The following KATNIP variants were observed in gnomAD, a reference collection of about 807,000 sequenced individuals.
KATNIP encodes the protein katanin interacting protein.
In KATNIP, 126 loss-of-function variants were observed where a neutral mutation model predicts 174.0. That is an observed-to-expected ratio of 0.72 (90% CI 0.63 to 0.84). The LOEUF is 0.84. KATNIP is among the 40% of genes least tolerant of loss of function. KATNIP has a pLI of 0.00. For missense variants in KATNIP, 1,958 were observed against 2,109.7 expected (o/e 0.93, Z 1.41); for synonymous variants, 810 against 835.7 (o/e 0.97, Z 0.53).
At chr16:27,733,489 C>T (rs1192402375) in intron 14 of KATNIP, among the ~76,000 whole-genome samples, 1 of 150,798 alleles carries the variant, frequency 6.6e-6, no homozygotes, top group Admixed American at 6.6e-5. Context: ...GTGTTTGAGG[C>T]AGCATGAACA....
At chr16:27,719,743 T>C (rs974580884) in intron 13 of KATNIP, among the ~76,000 whole-genome samples, 1 of 149,580 alleles carries the variant, frequency 6.7e-6, no homozygotes, top group Non-Finnish European at 1.5e-5. Context: ...CAGGCTGGAG[T>C]GCAGTGGTAC....
At chr16:27,557,115 T>C (rs1343854387) in intron 1 of KATNIP, among the ~76,000 whole-genome samples, 1 of 152,092 alleles carries the variant, frequency 6.6e-6, no homozygotes, top group Non-Finnish European at 1.5e-5. Flanking sequence ...TTCATTGTAC[T>C]ATTCTTGACA....
Position 27,618,409 on chromosome 16 carries a change from T to A in KATNIP, c.64-16T>A. On this transcript the variant is annotated splice_polypyrimidine_tract_variant and intron_variant, in intron 2 of 27. Transcript: ENST00000261588. Reference sequence around the variant, plus strand: ...CCTGCATTCCGATATCACACTGCTCTGTTTCTTCATTTCAGGGTTACGCTA... The same window carrying A: ...CCTGCATTCCGATATCACACTGCTCAGTTTCTTCATTTCAGGGTTACGCTA... 6.3e-7 allele frequency: 1 copy of A among 1,598,336 alleles called. No homozygotes were observed. The highest frequency in any genetic ancestry group is 8.6e-7 in the Non-Finnish European group (1 of 1,165,718).
intron 6 of KATNIP, among the ~76,000 whole-genome samples, chr16:27,661,061 C>T (rs1398799115): frequency 6.6e-5 from 10 of 152,206 alleles, no homozygotes; most frequent in Admixed American, 5.9e-4. Flanking sequence ...TCAGTCATCA[C>T]ATCACTGAGT....
intron 2 of KATNIP, among the ~76,000 whole-genome samples, chr16:27,598,758 G>A (rs1256381482): frequency 6.6e-6 from 1 of 152,188 alleles, no homozygotes; most frequent in East Asian, 1.9e-4. Context: ...CAGACTCTGA[G>A]CAGGAGATAT....
intron 13 of KATNIP, among the ~76,000 whole-genome samples, chr16:27,717,304 G>A (rs1349955854): frequency 6.6e-6 from 1 of 152,134 alleles, no homozygotes; most frequent in Non-Finnish European, 1.5e-5. Flanking sequence ...ACTTCTGAGG[G>A]CAGCGCAGTA....
rs1218084310 is a variant in KATNIP at position 27,637,516 on chromosome 16, G to A, written c.408+6354G>A. Among the ~76,000 whole-genome samples, 3 of 152,302 alleles carry A rather than the reference G, an allele frequency of 2.0e-5. No homozygotes were observed. The highest frequency in any genetic ancestry group is 4.8e-5 in the African/African-American group (2 of 41,570). Reference sequence around the variant, plus strand: ...GCTGTCGGGGGAGCGCTCCTTCAGCGAAGGTGGGCAGCACAGCCTCCCAAG... The same window carrying A: ...GCTGTCGGGGGAGCGCTCCTTCAGCAAAGGTGGGCAGCACAGCCTCCCAAG... On this transcript the variant is annotated intron_variant, in intron 5 of 27. Transcript: ENST00000261588. This position sits in a 1 kb window ranked among gnomAD's most constrained non-coding sequence, Gnocchi z 4.7.
chr16:27,670,612 C>T (rs183448682), intron 6 of KATNIP, among the ~76,000 whole-genome samples: 46 of 152,202 alleles, frequency 3.0e-4, no homozygotes, highest in African/African-American at 1.1e-3. Context: ...CTTCCAGCAT[C>T]GAGTGCTGCT....
intron 1 of KATNIP, among the ~76,000 whole-genome samples, chr16:27,558,295 G>A (rs958370603): frequency 6.6e-6 from 1 of 152,070 alleles, no homozygotes; most frequent in Non-Finnish European, 1.5e-5. Context: ...ACAGGTGTGT[G>A]CCACCACACC....
At position 27,600,732 on chromosome 16, in the gene KATNIP, C is replaced by CT. The variant is rs747524073; in HGVS notation, c.64-17678dup. 7.4e-3 allele frequency among the ~76,000 whole-genome samples: 1,048 copies of CT among 142,352 alleles called. 8 individuals are homozygous for CT. Among genetic ancestry groups the CT allele is most frequent in the African/African-American group, 0.019 (740 of 39,094 alleles). 93.4% of individuals were successfully genotyped at this position (142,352 alleles called of 152,430 possible). A position where few individuals can be genotyped will look rare whatever the true frequency, so the allele number is the denominator to read the frequency against. On this transcript the variant is annotated intron_variant, in intron 2 of 27. Coordinates refer to ENST00000261588, the MANE Select transcript of KATNIP (RefSeq NM_015202.5). ...TGCCCTTGTGGCACAGCTGCCTCCT[C>CT]TTTTTTTTTTTTTTTAGACGGAGTT...
At chr16:27,750,400 A>T in intron 16 of KATNIP, 94 bp downstream of exon 16, 1 of 1,184,116 alleles carries the variant, frequency 8.4e-7, no homozygotes, top group East Asian at 2.4e-5. Flanking sequence ...AGCCAACAAC[A>T]GATCAGTCCT....
Position 27,721,555 on chromosome 16 carries a change from T to C in KATNIP, c.1606-3T>C, listed in dbSNP as rs747837893. The C allele has an allele frequency of 6.2e-6, 10 of 1,613,960 alleles. No homozygotes were observed. The African/African-American group carries it at 1.3e-4, about 22-fold the overall frequency. Reference sequence around the variant, plus strand: ...TGATTTCCTTCTCTTGCTGGCCTTCTAGGGCAAGAAAGACTCCTCCCCGTG... The same window carrying C: ...TGATTTCCTTCTCTTGCTGGCCTTCCAGGGCAAGAAAGACTCCTCCCCGTG... On this transcript the variant is annotated splice_region_variant and splice_polypyrimidine_tract_variant and intron_variant, in intron 13 of 27. Transcript: ENST00000261588.
At chr16:27,601,344 C>T (rs1221606671) in intron 2 of KATNIP, among the ~76,000 whole-genome samples, 2 of 152,124 alleles carry the variant, frequency 1.3e-5, no homozygotes, top group African/African-American at 4.8e-5. Flanking sequence ...AGGAGGCAGA[C>T]AGGGACAGAG....
intron 24 of KATNIP, 115 bp downstream of exon 24, chr16:27,775,199 G>A: frequency 7.8e-7 from 1 of 1,276,022 alleles, no homozygotes; most frequent in Admixed American, 2.5e-5. Context: ...CTCAAGCCAA[G>A]ATGCTTGGGA....
At chr16:27,695,238 C>T (rs968122750) in intron 8 of KATNIP, among the ~76,000 whole-genome samples, 1 of 152,246 alleles carries the variant, frequency 6.6e-6, no homozygotes, top group Non-Finnish European at 1.5e-5. Context: ...TCTGCACCTA[C>T]ATCAGATCTG....
intron 15 of KATNIP, among the ~76,000 whole-genome samples, chr16:27,745,885 GAC>G (rs1880567010): frequency 6.6e-6 from 1 of 150,454 alleles, no homozygotes; most frequent in Non-Finnish European, 1.5e-5. Flanking sequence ...GGAGTCTGCA[GAC>G]AGAGAGGTCC....
In KATNIP at chr16:27,690,945, T is replaced by C. The variant is rs937848931; in HGVS notation, c.941-7383T>C. Among the ~76,000 whole-genome samples the C allele has an allele frequency of 4.0e-5, 6 of 151,316 alleles. No homozygotes were observed. In the South Asian group the frequency reaches 1.3e-3, roughly 32 times the overall value. ...AATCCCAATTTTCAGGTGGATTTCCTTTTTTTTTGAGCTTGGCATCTATTT... is the reference window on the plus strand; with the variant it reads ...AATCCCAATTTTCAGGTGGATTTCCCTTTTTTTTGAGCTTGGCATCTATTT... On this transcript the variant is annotated intron_variant, in intron 8 of 27. Transcript: ENST00000261588.
chr16:27,704,424 A>T (rs1471464852), intron 12 of KATNIP, among the ~76,000 whole-genome samples: 1 of 152,224 alleles, frequency 6.6e-6, no homozygotes, highest in Admixed American at 6.5e-5. Context: ...CTGTATAAAC[A>T]GGTGAAATCC....
chr16:27,670,317 C>T (rs1302373535), intron 6 of KATNIP, among the ~76,000 whole-genome samples: 1 of 152,316 alleles, frequency 6.6e-6, no homozygotes, highest in African/African-American at 2.4e-5. Flanking sequence ...TGGTCCATCT[C>T]CCTAATGTGC....
Sources: gnomAD v4.1 joint callset for allele counts (sites outside exome capture counted in the v4.1 genomes callset) on GRCh38, gnomAD v4.1.1 for gene constraint, Gnocchi (gnomAD v3.1) non-coding constraint, MANE v1.5 for transcripts, NCBI Gene and HGNC (gene_info 2026-07-23, HGNC 2026-07-21) for gene names.